MYO1B: variants seen among roughly 807,000 people sequenced by gnomAD.
MYO1B encodes the protein unconventional myosin-Ib.
A neutral mutation model predicts 159.7 loss-of-function variants in MYO1B; 72 were observed. That is an observed-to-expected ratio of 0.45 (90% confidence interval 0.37 to 0.55). The LOEUF (loss-of-function observed/expected upper bound fraction) is 0.55. Ranked by LOEUF, MYO1B falls within the 20% of genes least tolerant of loss-of-function variation. MYO1B has a pLI of 0.00. For synonymous variants in MYO1B, 468 were observed against 473.8 expected, an observed-to-expected ratio of 0.99 and a Z score of 0.16; for missense variants, 1,062 against 1,364.8, an observed-to-expected ratio of 0.78 and a Z score of 3.50.
intron 7 of MYO1B, among the ~76,000 whole-genome samples, chr2:191,357,828 AG>A (rs1693402306): frequency 1.3e-5 from 2 of 152,194 alleles, no homozygotes; most frequent in Admixed American, 6.5e-5. Context: ...ATGCACATTT[AG>A]GGGAAGAAAA....
chr2:191,273,464 G>A (rs561798957), intron 1 of MYO1B, among the ~76,000 whole-genome samples: 11 of 152,180 alleles, frequency 7.2e-5, no homozygotes, highest in East Asian at 5.8e-4. Context: ...TCCATGTGTC[G>A]TCTTCCTCTT....
At position 191,409,102 on chromosome 2, in the gene MYO1B, A is replaced by G; in HGVS notation, c.2690A>G (p.Lys897Arg). The part of the protein sequence containing the change: ...NKMPSLSPID[K>R]NWPSRPYLFL... The stretch of plus-strand genomic sequence containing the variant: ...ATGCCTTCCTTATCTCCAATAGACA[A>G]GAATTGGCCCTCAAGACCTTACTTA... Residue 897 changes from lysine (K) to arginine (R), a missense_variant, in exon 26 of 31, where the codon AAG (lysine) becomes AGG (arginine). Coordinates refer to ENST00000392318, the MANE Select transcript of MYO1B (RefSeq NM_001130158.3). 6.2e-7 allele frequency: 1 copy of G among 1,613,526 alleles called. No homozygotes were observed. Among genetic ancestry groups the G allele is most frequent in the Non-Finnish European group, 8.5e-7 (1 of 1,179,842 alleles).
chr2:191,258,886 G>T (rs1686625369), intron 1 of MYO1B, among the ~76,000 whole-genome samples: 1 of 152,186 alleles, frequency 6.6e-6, no homozygotes. Flanking sequence ...AATGTTAAAG[G>T]AAACTTGTAC....
At chr2:191,346,376 A>G (rs955457811) in intron 6 of MYO1B, 94 bp downstream of exon 6, 16 of 768,886 alleles carry the variant, frequency 2.1e-5, no homozygotes, top group Admixed American at 4.0e-5. Context: ...TAATACACAC[A>G]TTTTTAAAAT....
intron 11 of MYO1B, among the ~76,000 whole-genome samples, chr2:191,365,533 C>T (rs1379136038): frequency 1.3e-5 from 2 of 152,224 alleles, no homozygotes; most frequent in Non-Finnish European, 1.5e-5. Context: ...TCCTAAATTA[C>T]TGCTTTTGCT....
At chr2:191,255,640 A>T (rs945817351) in intron 1 of MYO1B, among the ~76,000 whole-genome samples, 2 of 152,242 alleles carry the variant, frequency 1.3e-5, no homozygotes, top group South Asian at 4.1e-4. Flanking sequence ...AGTGGTATTT[A>T]ACAGTGTTTT....
chr2:191,394,083 T>C (rs903058799), intron 20 of MYO1B, among the ~76,000 whole-genome samples: 3 of 152,238 alleles, frequency 2.0e-5, no homozygotes, highest in Non-Finnish European at 4.4e-5. Flanking sequence ...TTTTACAAAT[T>C]AATGAGGTAT....
At chr2:191,263,306 A>C in intron 1 of MYO1B, 1 of 984,966 alleles carries the variant, frequency 1.0e-6, no homozygotes, top group Non-Finnish European at 1.2e-6. Flanking sequence ...TGTCACAACG[A>C]ATGTTTGTCT....
At chr2:191,330,584 A>G (rs1381060553) in intron 4 of MYO1B, among the ~76,000 whole-genome samples, 2 of 152,206 alleles carry the variant, frequency 1.3e-5, no homozygotes, top group African/African-American at 4.8e-5. Flanking sequence ...AATAAATGCA[A>G]TTCATATGAT....
intron 3 of MYO1B, among the ~76,000 whole-genome samples, chr2:191,316,873 C>T (rs1261338713): frequency 6.6e-6 from 1 of 152,120 alleles, no homozygotes; most frequent in Non-Finnish European, 1.5e-5. Flanking sequence ...AGGCAGTCTT[C>T]TAGCAATTTA....
chr2:191,390,263 T>C (rs1695662966), intron 17 of MYO1B, 29 bp from the exon 18 acceptor site: 1 of 1,595,348 alleles, frequency 6.3e-7, no homozygotes, highest in South Asian at 1.1e-5. Flanking sequence ...GGAGGCAGTT[T>C]ATAACCTAAA....
intron 7 of MYO1B, among the ~76,000 whole-genome samples, chr2:191,351,188 T>C (rs1196200880): frequency 7.2e-6 from 1 of 139,494 alleles, no homozygotes; most frequent in Non-Finnish European, 1.6e-5. Context: ...TGTTTAGACC[T>C]AAAAAAAAAA....
intron 3 of MYO1B, among the ~76,000 whole-genome samples, chr2:191,321,573 T>A (rs1244347940): frequency 6.6e-6 from 1 of 152,168 alleles, no homozygotes; most frequent in Non-Finnish European, 1.5e-5. Context: ...AGATCCCCAA[T>A]TGCATATTTG....
chr2:191,312,207 C>A (rs184074141), intron 3 of MYO1B, among the ~76,000 whole-genome samples: 1 of 152,264 alleles, frequency 6.6e-6, no homozygotes, highest in Non-Finnish European at 1.5e-5. Flanking sequence ...AAATTGAGTT[C>A]GATAAATTTG....
chr2:191,325,867 CT>C (rs1185847012), intron 3 of MYO1B, among the ~76,000 whole-genome samples: 1 of 152,052 alleles, frequency 6.6e-6, no homozygotes, highest in African/African-American at 2.4e-5. Flanking sequence ...CCAAACCAAA[CT>C]TCTAAAACCT....
intron 7 of MYO1B, among the ~76,000 whole-genome samples, chr2:191,354,663 T>C (rs1559194948): frequency 6.6e-6 from 1 of 151,832 alleles, no homozygotes; most frequent in Non-Finnish European, 1.5e-5. Flanking sequence ...GTACAACAAG[T>C]TTGGGTGTTT....
intron 9 of MYO1B, among the ~76,000 whole-genome samples, 178 bp from the exon 10 acceptor site, chr2:191,363,550 G>A (rs1022858598): frequency 3.3e-5 from 5 of 151,934 alleles, no homozygotes; most frequent in Non-Finnish European, 7.4e-5. Context: ...TGCAACCCCC[G>A]CCACAGCACC....
intron 2 of MYO1B, among the ~76,000 whole-genome samples, chr2:191,277,435 C>T (rs554473105): frequency 1.3e-5 from 2 of 152,226 alleles, no homozygotes; most frequent in Non-Finnish European, 1.5e-5. Flanking sequence ...TGAACTTTCT[C>T]GACATTTGTA....
intron 27 of MYO1B, among the ~76,000 whole-genome samples, chr2:191,411,833 A>G (rs924376988): frequency 6.6e-5 from 10 of 152,212 alleles, no homozygotes; most frequent in Admixed American, 1.3e-4. Context: ...TCCTGCATTC[A>G]TCACTTCCTC....
Sources: gnomAD v4.1 joint callset for allele counts (sites outside exome capture counted in the v4.1 genomes callset) on GRCh38, gnomAD v4.1.1 for gene constraint, MANE v1.5 for transcripts, NCBI Gene and HGNC (gene_info 2026-07-23, HGNC 2026-07-21) for gene names.